CCN5: variants seen among roughly 807,000 people sequenced by gnomAD.
The protein encoded by CCN5 is cellular communication network factor 5.
A neutral mutation model predicts 18.7 loss-of-function variants in CCN5; 17 were observed. The observed-to-expected ratio is 0.91, with a 90% confidence interval of 0.62 to 1.36. The LOEUF is 1.36. Ranked by LOEUF, CCN5 falls within the 40% of genes most tolerant of loss-of-function variation. The probability of loss-of-function intolerance (pLI) is 0.00; values close to 1 mark genes in which losing one functional copy is unlikely to be tolerated. For missense variants in CCN5, 367 were observed against 342.9 expected (o/e 1.07, Z -0.56); for synonymous variants, 135 against 145.2 (o/e 0.93, Z 0.50).
chr20:44,717,885 GAA>G (rs60571299), intron 1 of CCN5, among the ~76,000 whole-genome samples: 5 of 90,184 alleles, frequency 5.5e-5, no homozygotes, highest in African/African-American at 1.3e-4. Context: ...TCTCAAAAAA[GAA>G]AAAAAAAAAA....
chr20:44,724,840 G>T lies in CCN5; in HGVS notation c.380G>T (p.Gly127Val). Reference protein sequence around the residue: ...CSIRCRCEDGGFTCVPLCSED... With the variant: ...CSIRCRCEDGVFTCVPLCSED... ...ATCCGCTGCCGCTGCGAGGACGGCG[G>T]CTTCACCTGCGTGCCGCTGTGCAGC... The change falls in exon 3 of 4, where the codon GGC becomes GTC. Residue 127 changes from glycine to valine, a missense_variant. By Grantham distance (109) the Gly-to-Val change is moderately radical. Transcript: ENST00000190983. 4 of 1,601,916 alleles carry T rather than the reference G, an allele frequency of 2.5e-6. No homozygotes were observed. The East Asian group carries it at 9.0e-5, about 36-fold the overall frequency.
chr20:44,724,748 C>T lies in CCN5; in HGVS notation c.288C>T (p.Asp96=), dbSNP rs765427349. 4.3e-6 allele frequency: 7 copies of T among 1,612,634 alleles called. No homozygotes were observed. The highest frequency in any genetic ancestry group is 5.9e-6 in the Non-Finnish European group (7 of 1,179,762). The change falls in exon 3 of 4, where the codon GAC becomes GAT. Residue 96 remains aspartate (D), a synonymous_variant. Coordinates refer to ENST00000190983, the MANE Select transcript of CCN5 (RefSeq NM_003881.4). ...GTTTTTCCTCCGCAGTGGCAGAGGA[C>T]GACAGCAGCTGTGAGGTGAACGGCC... is the stretch of plus-strand genomic sequence containing the variant. ...GRGALCLLAE[D]DSSCEVNGRL...
chr20:44,727,191 G>A lies in CCN5; in HGVS notation c.637G>A (p.Ala213Thr), dbSNP rs1334853284. Residue 213 changes from alanine to threonine, a missense_variant, in exon 4 of 4, where the codon GCC becomes ACC. Coordinates refer to ENST00000190983, the MANE Select transcript of CCN5 (RefSeq NM_003881.4). ...PCSTTCGLGM[A>T]TRVSNQNRFC... is the part of the protein sequence containing the mutation. ...CTCGACCACCTGTGGGCTGGGCATG[G>A]CCACCCGGGTGTCCAACCAGAACCG... is the stretch of plus-strand genomic sequence containing the variant. 1.9e-6 allele frequency: 3 copies of A among 1,613,804 alleles called. No homozygotes were observed. The East Asian group carries it at 6.7e-5, about 36-fold the overall frequency.
At chr20:44,722,458 T>G (rs1412283308) in intron 2 of CCN5, among the ~76,000 whole-genome samples, 1 of 61,752 alleles carries the variant, frequency 1.6e-5, no homozygotes, top group African/African-American at 3.7e-5. Context: ...TCTCTCTATC[T>G]CTCTCTCTTT....
chr20:44,720,336 C>T lies in CCN5; in HGVS notation c.277+223C>T, dbSNP rs1022615826. 6 of 557,314 alleles carry T rather than the reference C, an allele frequency of 1.1e-5. No individual in the cohort carries two copies. In the African/African-American group the frequency reaches 1.2e-4, roughly 11 times the overall value. The allele number at this position is 557,314 out of a possible 1,614,324, so 34.5% of individuals were successfully genotyped here. On this transcript the variant is annotated intron_variant, in intron 2 of 3. Transcript: ENST00000190983. The stretch of plus-strand genomic sequence containing the variant: ...CATCTCACTACCCCAATAACCTTTC[C>T]CCATCCCTACCTGTCCAAATCATTG...
chr20:44,721,747 T>A (rs2065901579), intron 2 of CCN5, among the ~76,000 whole-genome samples: 1 of 152,198 alleles, frequency 6.6e-6, no homozygotes, highest in Non-Finnish European at 1.5e-5. Context: ...GCACAGCCCT[T>A]ACCACGTGTA....
Position 44,719,989 on chromosome 20 carries a change from C to T in CCN5, c.153C>T (p.Gly51=). The part of the protein sequence containing the change: ...LGVPLVLDGC[G]CCRVCARRLG... ...TACCCCTGGTGCTGGATGGCTGTGG[C>T]TGCTGCCGGGTATGTGCACGGCGGC... is the stretch of plus-strand genomic sequence containing the variant. The change falls in exon 2 of 4, where the codon GGC becomes GGT. Residue 51 remains glycine (G), a synonymous_variant. Transcript: ENST00000190983. 1 of 1,612,926 alleles carries T rather than the reference C, an allele frequency of 6.2e-7. No homozygotes were observed. Among genetic ancestry groups the T allele is most frequent in the South Asian group, 1.1e-5 (1 of 91,006 alleles).
At chr20:44,715,204 G>C (rs2065847163), upstream of CCN5, 8 of 609,084 alleles carry the variant, frequency 1.3e-5, no homozygotes, top group Non-Finnish European at 2.3e-5. Context: ...GGGAAGCGAA[G>C]CAAGGAATGA....
chr20:44,719,412 T>C (rs548360701), intron 1 of CCN5, among the ~76,000 whole-genome samples: 4 of 152,320 alleles, frequency 2.6e-5, no homozygotes, highest in African/African-American at 9.6e-5. Context: ...CCCAGCACTT[T>C]GGGAGGCCGA....
At chr20:44,717,760 T>TC (rs1441610404) in intron 1 of CCN5, among the ~76,000 whole-genome samples, 1 of 151,548 alleles carries the variant, frequency 6.6e-6, no homozygotes, top group African/African-American at 2.4e-5. Context: ...CCTGTAATCC[T>TC]AGCTACTTGG....
intron 2 of CCN5, among the ~76,000 whole-genome samples, chr20:44,722,218 T>C (rs924968606): frequency 6.6e-6 from 1 of 152,164 alleles, no homozygotes; most frequent in African/African-American, 2.4e-5. Flanking sequence ...GTCTAGGGCT[T>C]TGCAGGGAAC....
intron 1 of CCN5, 56 bp from the exon 2 acceptor site, chr20:44,719,841 G>A: frequency 6.4e-7 from 1 of 1,550,898 alleles, no homozygotes; most frequent in East Asian, 2.3e-5. Context: ...CTGGTTGTGA[G>A]GGTCTCACTG....
At chr20:44,715,240 T>A, upstream of CCN5, 4 of 531,272 alleles carry the variant, frequency 7.5e-6, no homozygotes, top group South Asian at 7.5e-5. Flanking sequence ...TGTGTGTGTG[T>A]GTGTGTGTGT....
intron 2 of CCN5, among the ~76,000 whole-genome samples, chr20:44,722,524 G>A (rs1183921313): frequency 6.9e-6 from 1 of 144,262 alleles, no homozygotes; most frequent in African/African-American, 2.6e-5. Context: ...CTGGTGTGCA[G>A]TGGCAGGATC....
chr20:44,725,257 G>A (rs2065928873), intron 3 of CCN5, among the ~76,000 whole-genome samples: 1 of 152,066 alleles, frequency 6.6e-6, no homozygotes, highest in Non-Finnish European at 1.5e-5. Context: ...GGCTGACATA[G>A]GAAAACCCCG....
Position 44,724,910 on chromosome 20 carries a change from G to A in CCN5, c.450G>A (p.Arg150=). 1.9e-6 allele frequency: 3 copies of A among 1,594,446 alleles called. No individual in the cohort carries two copies. The highest frequency in any genetic ancestry group is 2.6e-6 in the Non-Finnish European group (3 of 1,171,860). Residue 150 remains arginine (R), a synonymous_variant, in exon 3 of 4, where the codon AGG becomes AGA. Coordinates refer to ENST00000190983, the MANE Select transcript of CCN5 (RefSeq NM_003881.4). Reference sequence around the variant, plus strand: ...GCTGGGACTGCCCCCACCCCAGGAGGGTCGAGGTCCTGGGCAAGTGCTGCC... The same window carrying A: ...GCTGGGACTGCCCCCACCCCAGGAGAGTCGAGGTCCTGGGCAAGTGCTGCC... The part of the protein sequence containing the change: ...LPSWDCPHPR[R]VEVLGKCCPE...
upstream of CCN5, chr20:44,714,906 A>T (rs953878892): frequency 6.4e-6 from 1 of 156,836 alleles, no homozygotes; most frequent in African/African-American, 2.4e-5. Context: ...CAGCTCTGCA[A>T]AGGGGTTGTT....
At chr20:44,722,270 T>C (rs1386248916) in intron 2 of CCN5, among the ~76,000 whole-genome samples, 1 of 152,110 alleles carries the variant, frequency 6.6e-6, no homozygotes, top group Non-Finnish European at 1.5e-5. Context: ...CGTTGAACGC[T>C]CTTCTCTAAG....
Position 44,727,301 on chromosome 20 carries a change from C to G in CCN5, c.747C>G (p.Ala249=), listed in dbSNP as rs766599697. Residue 249 remains alanine (A), a synonymous_variant, in exon 4 of 4, where the codon GCC becomes GCG. Coordinates refer to ENST00000190983, the MANE Select transcript of CCN5 (RefSeq NM_003881.4). ...PSRGRSPQNS[A]F ...GGGGTCGCAGTCCACAAAACAGTGC[C>G]TTCTAGAGCCGGGCTGGGAATGGGG... 18 of 1,607,512 alleles carry G rather than the reference C, an allele frequency of 1.1e-5. No individual in the cohort carries two copies. In the Middle Eastern group the frequency reaches 6.6e-4, roughly 59 times the overall value.
Sources: allele counts gnomAD v4.1 joint callset (sites outside exome capture counted in the v4.1 genomes callset), GRCh38; gene constraint gnomAD v4.1.1; transcripts MANE v1.5; gene names NCBI Gene and HGNC (gene_info 2026-07-23, HGNC 2026-07-21).